SEMA3A: variants seen among roughly 807,000 people sequenced by gnomAD.
SEMA3A encodes semaphorin 3A.
SEMA3A carries 29 observed loss-of-function variants against 97.9 expected under a neutral mutation model. The ratio of observed to expected loss-of-function variants is 0.30; its 90% CI spans 0.22 to 0.40. SEMA3A has a LOEUF of 0.40. SEMA3A is among the 10% of genes least tolerant of loss of function. The probability of loss-of-function intolerance (pLI) is 1.00; values close to 1 mark genes in which losing one functional copy is unlikely to be tolerated. For synonymous variants in SEMA3A, 321 were observed against 323.7 expected (o/e 0.99, Z 0.09); for missense variants, 763 against 951.3 (o/e 0.80, Z 2.60).
At chr7:84,055,966 T>C (rs2031073428) in intron 5 of SEMA3A, among the ~76,000 whole-genome samples, 1 of 152,176 alleles carries the variant, frequency 6.6e-6, no homozygotes, top group Admixed American at 6.5e-5. Context: ...TATCTAGAAA[T>C]TATTGTCTAC....
intron 6 of SEMA3A, among the ~76,000 whole-genome samples, chr7:84,014,866 C>G (rs561981116): frequency 1.3e-5 from 2 of 152,114 alleles, no homozygotes; most frequent in African/African-American, 4.8e-5. Context: ...ACTAGATACA[C>G]AGGAAAAAAC....
chr7:84,048,635 T>C (rs1469579467), intron 5 of SEMA3A, among the ~76,000 whole-genome samples: 1 of 151,926 alleles, frequency 6.6e-6, no homozygotes, highest in Non-Finnish European at 1.5e-5. Context: ...AAAAATTAAA[T>C]TACTGGTTGA....
At chr7:84,192,463 G>GT (rs2116272367) in intron 1 of SEMA3A, among the ~76,000 whole-genome samples, 1 of 151,974 alleles carries the variant, frequency 6.6e-6, no homozygotes, top group South Asian at 2.1e-4. Flanking sequence ...CTGTAAAGCA[G>GT]TTTTTTACTT....
At chr7:84,122,679 A>G (rs1795664212) in intron 3 of SEMA3A, among the ~76,000 whole-genome samples, 1 of 152,178 alleles carries the variant, frequency 6.6e-6, no homozygotes, top group South Asian at 2.1e-4. Context: ...TTGACCTTTG[A>G]AAAAGTAATG....
At chr7:84,381,770 C>A (rs571451896) in intron 1 of SEMA3A, among the ~76,000 whole-genome samples, 3 of 152,056 alleles carry the variant, frequency 2.0e-5, no homozygotes, top group Non-Finnish European at 2.9e-5. Context: ...TCCTAACACG[C>A]AATAGTTTTG....
chr7:84,087,016 G>T (rs1356165964), intron 4 of SEMA3A, among the ~76,000 whole-genome samples: 1 of 151,846 alleles, frequency 6.6e-6, no homozygotes. Flanking sequence ...CTACTATTTT[G>T]TAATATTCGA....
chr7:84,369,459 A>G (rs1802924334), intron 2 of SEMA3A, among the ~76,000 whole-genome samples: 1 of 151,314 alleles, frequency 6.6e-6, no homozygotes, highest in South Asian at 2.1e-4. Context: ...AGAAACTGAA[A>G]TGTAGCTTGT....
intron 1 of SEMA3A, among the ~76,000 whole-genome samples, chr7:84,137,440 C>G (rs1032423695): frequency 1.3e-5 from 2 of 149,228 alleles, no homozygotes; most frequent in African/African-American, 4.9e-5. Flanking sequence ...ATTTCATTGG[C>G]ATCCAAAAGA....
intron 4 of SEMA3A, among the ~76,000 whole-genome samples, chr7:84,063,166 C>T (rs13310469): frequency 0.16 from 24,435 of 151,682 alleles, 2,386 homozygotes; most frequent in South Asian, 0.26. Flanking sequence ...CACACTGACA[C>T]CTCACATGGC....
intron 2 of SEMA3A, among the ~76,000 whole-genome samples, chr7:84,329,551 A>G (rs1685632399): frequency 6.6e-6 from 1 of 152,042 alleles, no homozygotes; most frequent in African/African-American, 2.4e-5. Flanking sequence ...TTGTAATCAA[A>G]GAAGAAACAT....
chr7:84,473,615 C>T (rs1165906338), intron 1 of SEMA3A, among the ~76,000 whole-genome samples: 1 of 151,880 alleles, frequency 6.6e-6, no homozygotes, highest in Non-Finnish European at 1.5e-5. Flanking sequence ...ACTCCAACTC[C>T]TGACCTCTAG....
chr7:84,366,597 T>C (rs1241934120), intron 2 of SEMA3A, among the ~76,000 whole-genome samples: 1 of 151,372 alleles, frequency 6.6e-6, no homozygotes, highest in Non-Finnish European at 1.5e-5. Context: ...CACTAAAGCA[T>C]ACTACAACCA....
chr7:84,424,320 C>A (rs1253848317), intron 1 of SEMA3A, among the ~76,000 whole-genome samples: 4 of 137,096 alleles, frequency 2.9e-5, no homozygotes, highest in African/African-American at 8.1e-5. Context: ...TAAATACATT[C>A]TATATAATAT....
chr7:84,191,777 C>T (rs1032093365), intron 1 of SEMA3A, among the ~76,000 whole-genome samples: 1 of 151,736 alleles, frequency 6.6e-6, no homozygotes, highest in African/African-American at 2.4e-5. Context: ...TTTTCTTCCC[C>T]CATAAGGATT....
rs1799069145 is a variant in SEMA3A at position 84,229,530 on chromosome 7, A to C, written c.-82-34862T>G. ...GCTTTTCCAGACAAATTCTTTTAAA[A>C]ATATTTCTTAGTTTCTGGGGACTAC... On this transcript the variant is annotated intron_variant, in intron 3 of 3. Transcript: ENST00000424555. Among the ~76,000 whole-genome samples, 4 of 152,278 alleles carry C rather than the reference A, an allele frequency of 2.6e-5. No individual in the cohort carries two copies. The South Asian group carries it at 8.3e-4, about 32-fold the overall frequency.
chr7:84,244,610 G>A (rs1799438937), intron 3 of SEMA3A, among the ~76,000 whole-genome samples: 1 of 152,106 alleles, frequency 6.6e-6, no homozygotes, highest in South Asian at 2.1e-4. Flanking sequence ...ATTGTTACGT[G>A]TGAATTTAAT....
intron 6 of SEMA3A, among the ~76,000 whole-genome samples, chr7:84,029,578 C>T (rs1791663887): frequency 6.6e-6 from 1 of 152,098 alleles, no homozygotes; most frequent in Admixed American, 6.5e-5. Context: ...TGCATTAGGT[C>T]TTCAATAAAT....
intron 2 of SEMA3A, among the ~76,000 whole-genome samples, chr7:84,312,439 A>G (rs1801348632): frequency 1.3e-5 from 2 of 151,746 alleles, no homozygotes; most frequent in Admixed American, 1.3e-4. Context: ...CTGAAACAAC[A>G]TTTCCCTTAG....
At chr7:84,213,884 C>T (rs1019898124) in intron 3 of SEMA3A, among the ~76,000 whole-genome samples, 1 of 152,216 alleles carries the variant, frequency 6.6e-6, no homozygotes, top group Admixed American at 6.5e-5. Flanking sequence ...CCAGCACTAT[C>T]ATGGAAATAG....
Sources: allele counts gnomAD v4.1 joint callset (sites outside exome capture counted in the v4.1 genomes callset), GRCh38; gene constraint gnomAD v4.1.1; transcripts MANE v1.5; gene names NCBI Gene and HGNC (gene_info 2026-07-23, HGNC 2026-07-21).